Variants in KCNJ1 observed in about 807,000 individuals in gnomAD.
The protein encoded by KCNJ1 is ATP-sensitive inward rectifier potassium channel 1.
A neutral mutation model predicts 21.9 loss-of-function variants in KCNJ1; 24 were observed. The observed-to-expected ratio is 1.10, with a 90% confidence interval of 0.79 to 1.54. The LOEUF (loss-of-function observed/expected upper bound fraction) is 1.54. Among genes scored for constraint, KCNJ1 ranks in the 40% most tolerant of loss-of-function variants. The pLI is 0.00. For missense variants in KCNJ1, 457 were observed against 455.4 expected, an observed-to-expected ratio of 1.00 and a Z score of -0.03; for synonymous variants, 152 against 160.9, an observed-to-expected ratio of 0.94 and a Z score of 0.42.
intron 1 of KCNJ1, among the ~76,000 whole-genome samples, chr11:128,862,018 G>T (rs941920846): frequency 2.6e-5 from 4 of 152,156 alleles, no homozygotes; most frequent in Non-Finnish European, 5.9e-5. Flanking sequence ...GGTCATCCGC[G>T]TGGGAAGGGA....
chr11:128,845,727 C>G (rs556987204), intron 2 of KCNJ1, among the ~76,000 whole-genome samples: 15 of 152,284 alleles, frequency 9.9e-5, no homozygotes, highest in Admixed American at 2.6e-4. Flanking sequence ...CTTTCCTGGC[C>G]TCATGGGCAT....
At chr11:128,864,930 A>G (rs1376235300) in intron 1 of KCNJ1, among the ~76,000 whole-genome samples, 1 of 151,820 alleles carries the variant, frequency 6.6e-6, no homozygotes, top group Admixed American at 6.6e-5. Context: ...CAATGTAAAT[A>G]AGATCTTACC....
At chr11:128,857,167 C>T (rs528984774) in intron 1 of KCNJ1, among the ~76,000 whole-genome samples, 13 of 152,262 alleles carry the variant, frequency 8.5e-5, no homozygotes, top group Non-Finnish European at 1.8e-4. Flanking sequence ...AGGGCTGCTC[C>T]GCTCTAGGCC....
At chr11:128,844,254 T>C (rs549774127) in intron 2 of KCNJ1, among the ~76,000 whole-genome samples, 1 of 152,172 alleles carries the variant, frequency 6.6e-6, no homozygotes, top group South Asian at 2.1e-4. Flanking sequence ...AAAGAAAACA[T>C]GGGGGAGCTG....
chr11:128,860,889 C>T (rs541040338), intron 1 of KCNJ1, among the ~76,000 whole-genome samples: 7 of 152,272 alleles, frequency 4.6e-5, no homozygotes, highest in Non-Finnish European at 1.0e-4. Flanking sequence ...ATCTGGGAGA[C>T]GAAGATCATG....
At chr11:128,846,494 G>C (rs1423433745) in intron 2 of KCNJ1, among the ~76,000 whole-genome samples, 1 of 152,190 alleles carries the variant, frequency 6.6e-6, no homozygotes, top group Non-Finnish European at 1.5e-5. Context: ...GGAGGAAAAG[G>C]CTTCCGTGAG....
intron 2 of KCNJ1, chr11:128,842,615 G>A (rs1379335818): frequency 1.7e-6 from 2 of 1,183,074 alleles, no homozygotes; most frequent in Non-Finnish European, 2.3e-6. Flanking sequence ...CAAGCCCCAA[G>A]CTGAATAGGT....
At chr11:128,842,780 G>A (rs1943308179) in intron 2 of KCNJ1, among the ~76,000 whole-genome samples, 1 of 152,130 alleles carries the variant, frequency 6.6e-6, no homozygotes, top group African/African-American at 2.4e-5. Flanking sequence ...TCTCCTAAAA[G>A]TTGTGCCTAA....
At chr11:128,864,234 G>T (rs1555139127) in intron 1 of KCNJ1, among the ~76,000 whole-genome samples, 1 of 151,682 alleles carries the variant, frequency 6.6e-6, no homozygotes, top group Non-Finnish European at 1.5e-5. Context: ...CTACAGGTGT[G>T]TGCCACCATG....
In KCNJ1 at chr11:128,838,987, G is replaced by A. The variant is rs928728722; in HGVS notation, c.*138C>T. On this transcript the variant is annotated 3_prime_UTR_variant, in exon 3 of 3. Coordinates refer to ENST00000392666, the MANE Select transcript of KCNJ1 (RefSeq NM_153766.3). Reference sequence around the variant, plus strand: ...ATGTCTTGTGGGATCACAATTGCGGGGCTCAGGGGTCTTTGTGCTGGTAGA... The same window carrying A: ...ATGTCTTGTGGGATCACAATTGCGGAGCTCAGGGGTCTTTGTGCTGGTAGA... 4 of 723,042 alleles carry A rather than the reference G, an allele frequency of 5.5e-6. No individual in the cohort carries two copies. The highest frequency in any genetic ancestry group is 5.3e-5 in the African/African-American group (3 of 56,586). 44.8% of individuals were successfully genotyped at this position (723,042 alleles called of 1,614,324 possible). A position where few individuals can be genotyped will look rare whatever the true frequency, so the allele number is the denominator to read the frequency against.
intron 1 of KCNJ1, among the ~76,000 whole-genome samples, chr11:128,857,083 T>C (rs969854588): frequency 6.6e-6 from 1 of 152,128 alleles, no homozygotes. Flanking sequence ...GCTCACTATG[T>C]TCCCACCCCC....
At position 128,839,093 on chromosome 11, in the gene KCNJ1, G is replaced by C; in HGVS notation, c.*32C>G. 1.3e-6 allele frequency: 2 copies of C among 1,595,888 alleles called. No individual in the cohort carries two copies. Among genetic ancestry groups the C allele is most frequent in the Non-Finnish European group, 1.7e-6 (2 of 1,167,394 alleles). ...GCTTCTAGGTACTAGGAGCTTTAGA[G>C]ACTTTGCTTTACTCCCGTTGAAAAG... On this transcript the variant is annotated 3_prime_UTR_variant, in exon 3 of 3. Transcript: ENST00000392666.
intron 2 of KCNJ1, among the ~76,000 whole-genome samples, chr11:128,845,542 T>G (rs1364250352): frequency 3.3e-5 from 5 of 152,086 alleles, no homozygotes; most frequent in Non-Finnish European, 7.4e-5. Context: ...ACCATCTAGC[T>G]CCACAGACTA....
intron 2 of KCNJ1, among the ~76,000 whole-genome samples, chr11:128,845,590 G>A (rs934455547): frequency 6.6e-6 from 1 of 152,126 alleles, no homozygotes; most frequent in Non-Finnish European, 1.5e-5. Flanking sequence ...GACAGAGAGT[G>A]GCATTTCCCT....
chr11:128,839,970 C>G lies in KCNJ1; in HGVS notation c.274G>C (p.Glu92Gln). ...AVAYIHKDLPEFHPSANHTPC... is the reference protein window; with the variant it reads ...AVAYIHKDLPQFHPSANHTPC... The stretch of plus-strand genomic sequence containing the variant: ...GTGTGATTGGCAGAAGGATGGAATT[C>G]CGGGAGGTCTTTGTGAATGTACGCT... Residue 92 changes from glutamate (E) to glutamine (Q), a missense_variant, in exon 3 of 3, where the codon GAA (glutamate) becomes CAA (glutamine). Glu to Gln is a conservative substitution (Grantham distance 29). Coordinates refer to ENST00000392666, the MANE Select transcript of KCNJ1 (RefSeq NM_153766.3). The G allele has an allele frequency of 6.2e-7, 1 of 1,614,118 alleles. No homozygotes were observed. Among genetic ancestry groups the G allele is most frequent in the South Asian group, 1.1e-5 (1 of 91,074 alleles).
At chr11:128,841,226 G>A (rs898310828) in intron 2 of KCNJ1, among the ~76,000 whole-genome samples, 14 of 152,156 alleles carry the variant, frequency 9.2e-5, no homozygotes, top group Non-Finnish European at 1.8e-4. Flanking sequence ...AAAGCTGGAG[G>A]ACTGGGGAGC....
intron 2 of KCNJ1, among the ~76,000 whole-genome samples, chr11:128,843,571 A>G (rs1943325887): frequency 6.6e-6 from 1 of 152,228 alleles, no homozygotes; most frequent in African/African-American, 2.4e-5. Context: ...AAAGACAAAT[A>G]GAACTCTTCC....
At chr11:128,851,364 T>C (rs866235487) in intron 1 of KCNJ1, among the ~76,000 whole-genome samples, 22 of 152,342 alleles carry the variant, frequency 1.4e-4, no homozygotes, top group African/African-American at 4.3e-4. Flanking sequence ...AGGAATCCTA[T>C]AGTGGATTAT....
Position 128,838,771 on chromosome 11 carries a change from C to A in KCNJ1, c.*354G>T. On this transcript the variant is annotated 3_prime_UTR_variant, in exon 3 of 3. Coordinates refer to ENST00000392666, the MANE Select transcript of KCNJ1 (RefSeq NM_153766.3). ...TGATCCTTTCTAAAGTTCATAACTT[C>A]TTTAAGGAAACTTTAAAAAATATTT... 4.0e-6 allele frequency: 1 copy of A among 248,822 alleles called. No homozygotes were observed. Among genetic ancestry groups the A allele is most frequent in the Non-Finnish European group, 7.8e-6 (1 of 127,752 alleles). 15.4% of individuals were successfully genotyped at this position (248,822 alleles called of 1,614,324 possible). A position where few individuals can be genotyped will look rare whatever the true frequency, so the allele number is the denominator to read the frequency against.
Sources: allele counts gnomAD v4.1 joint callset (sites outside exome capture counted in the v4.1 genomes callset), GRCh38; gene constraint gnomAD v4.1.1; transcripts MANE v1.5; gene names NCBI Gene and HGNC (gene_info 2026-07-23, HGNC 2026-07-21).